The following DYTN variants were observed in gnomAD, a reference collection of about 807,000 sequenced individuals.
DYTN encodes dystrotelin.
In DYTN, 75 loss-of-function variants were observed where a neutral mutation model predicts 69.6. The observed-to-expected ratio is 1.08, with a 90% CI of 0.89 to 1.31. DYTN has a LOEUF of 1.31. Ranked by LOEUF, DYTN falls within the 50% of genes most tolerant of loss-of-function variation. DYTN has a pLI of 0.00. For synonymous variants in DYTN, 252 were observed against 249.1 expected (o/e 1.01, Z -0.11); for missense variants, 726 against 688.4 (o/e 1.05, Z -0.61).
rs1344441142 is a variant in DYTN at position 206,651,999 on chromosome 2, A to G, written c.1634-78T>C. On this transcript the variant is annotated intron_variant, in intron 11 of 11. Coordinates refer to ENST00000452335, the MANE Select transcript of DYTN (RefSeq NM_001093730.1). ...ATGAAGATATTGATAAAGCTCTCAC[A>G]TGGAGAAGAAACAGAATCCATTTTT... 3.0e-6 allele frequency: 4 copies of G among 1,316,020 alleles called. No individual in the cohort carries two copies. In the South Asian group the frequency reaches 4.2e-5, roughly 14 times the overall value. The allele number at this position is 1,316,020 out of a possible 1,614,324, so 81.5% of individuals were successfully genotyped here. A position where few individuals can be genotyped will look rare whatever the true frequency, so the allele number is the denominator to read the frequency against.
Position 206,693,230 on chromosome 2 carries a change from G to T in DYTN, c.925C>A (p.Gln309Lys). 6.2e-7 allele frequency: 1 copy of T among 1,613,514 alleles called. No homozygotes were observed. Residue 309 changes from glutamine to lysine, a missense_variant, in exon 9 of 12, where the codon CAG (glutamine) becomes AAG (lysine). Gln to Lys is a moderately conservative substitution (Grantham distance 53, BLOSUM62 1). Coordinates refer to ENST00000452335, the MANE Select transcript of DYTN (RefSeq NM_001093730.1). Reference protein sequence around the residue: ...RCRKKEAARRQQLLDQVNPKG... With the variant: ...RCRKKEAARRKQLLDQVNPKG... Reference sequence around the variant, plus strand: ...GGATTCACCTGGTCCAGCAGCTGCTGCCTTCTCGCTGCTTCTTTCTTCCTA... The same window carrying T: ...GGATTCACCTGGTCCAGCAGCTGCTTCCTTCTCGCTGCTTCTTTCTTCCTA...
chr2:206,658,981 G>A (rs1574585466), intron 11 of DYTN, among the ~76,000 whole-genome samples: 2 of 116,388 alleles, frequency 1.7e-5, no homozygotes, highest in South Asian at 7.7e-4. Context: ...TAAAACAAGA[G>A]GACTTTTTTT....
intron 9 of DYTN, among the ~76,000 whole-genome samples, chr2:206,680,914 G>A (rs1300846164): frequency 6.6e-6 from 1 of 152,118 alleles, no homozygotes; most frequent in Non-Finnish European, 1.5e-5. Context: ...TTCTAATTAT[G>A]TGAAGAATGT....
At chr2:206,652,285 C>T (rs561981888) in intron 11 of DYTN, among the ~76,000 whole-genome samples, 10 of 152,234 alleles carry the variant, frequency 6.6e-5, no homozygotes, top group East Asian at 3.9e-4. Flanking sequence ...TCAGGTGGGA[C>T]GGAGCCTGAG....
In DYTN at chr2:206,688,041, T is replaced by G. The variant is rs374617673; in HGVS notation, c.980+5134A>C. Among the ~76,000 whole-genome samples the G allele has an allele frequency of 4.6e-5, 7 of 152,204 alleles. No individual in the cohort carries two copies. The East Asian group carries it at 1.2e-3, about 25-fold the overall frequency. ...ATTTAGAAAACCTTGTGATTCTATC[T>G]GGAAATGCATTAAATTTAAATACAG... On this transcript the variant is annotated intron_variant, in intron 9 of 11. Coordinates refer to ENST00000452335, the MANE Select transcript of DYTN (RefSeq NM_001093730.1).
chr2:206,691,859 T>G (rs76625018), intron 9 of DYTN, among the ~76,000 whole-genome samples: 3 of 152,186 alleles, frequency 2.0e-5, no homozygotes, highest in Non-Finnish European at 4.4e-5. Context: ...TGCTGCTGGA[T>G]GTCTGAGAAA....
intron 11 of DYTN, among the ~76,000 whole-genome samples, chr2:206,654,532 G>C (rs980603479): frequency 6.6e-6 from 1 of 151,996 alleles, no homozygotes; most frequent in East Asian, 1.9e-4. Context: ...TATTTTACTG[G>C]TAAGGCTTCT....
chr2:206,690,123 T>C (rs1195173893), intron 9 of DYTN, among the ~76,000 whole-genome samples: 1 of 151,958 alleles, frequency 6.6e-6, no homozygotes, highest in Non-Finnish European at 1.5e-5. Flanking sequence ...AGGAAAGTGG[T>C]TGAATGGTAA....
intron 2 of DYTN, among the ~76,000 whole-genome samples, chr2:206,708,943 G>A (rs1045491593): frequency 2.6e-5 from 4 of 152,266 alleles, no homozygotes; most frequent in East Asian, 1.9e-4. Flanking sequence ...TCAGGCATTC[G>A]TGACTGGGAC....
chr2:206,705,925 T>C, intron 3 of DYTN, 52 bp from the exon 4 acceptor site: 1 of 1,580,556 alleles, frequency 6.3e-7, no homozygotes, highest in Admixed American at 1.8e-5. Context: ...GGGTTACCTT[T>C]GGTGTAATGG....
chr2:206,707,581 G>A (rs1700040271), intron 2 of DYTN, 78 bp from the exon 3 acceptor site: 1 of 1,421,020 alleles, frequency 7.0e-7, no homozygotes, highest in South Asian at 1.3e-5. Context: ...ATGTCATTTG[G>A]TGTTTTATAA....
At chr2:206,665,664 T>G (rs1355731329) in intron 10 of DYTN, among the ~76,000 whole-genome samples, 1 of 152,214 alleles carries the variant, frequency 6.6e-6, no homozygotes, top group Admixed American at 6.5e-5. Flanking sequence ...TTTGTAAATA[T>G]TACAGATCCT....
At chr2:206,665,316 AT>A (rs1465310708) in intron 10 of DYTN, among the ~76,000 whole-genome samples, 32 of 152,050 alleles carry the variant, frequency 2.1e-4, no homozygotes, top group African/African-American at 7.2e-4. Context: ...TGGGTTTATT[AT>A]TTTTATGTTT....
chr2:206,699,097 T>C (rs989411613), intron 7 of DYTN, among the ~76,000 whole-genome samples: 1 of 152,194 alleles, frequency 6.6e-6, no homozygotes, highest in African/African-American at 2.4e-5. Context: ...GTTGTTAGGA[T>C]GATGATGATG....
intron 9 of DYTN, among the ~76,000 whole-genome samples, chr2:206,666,663 G>A (rs1428617241): frequency 6.6e-6 from 1 of 151,964 alleles, no homozygotes; most frequent in African/African-American, 2.4e-5. Context: ...GGTCTGCTTT[G>A]GCTTCTCTTT....
At chr2:206,687,044 A>T (rs1699819390) in intron 9 of DYTN, 1 of 154,850 alleles carries the variant, frequency 6.5e-6, no homozygotes, top group Admixed American at 6.5e-5. Flanking sequence ...AATGTCTGAT[A>T]ATAAGTCTCA....
chr2:206,685,619 C>T (rs1472236573), intron 9 of DYTN, among the ~76,000 whole-genome samples: 9 of 152,096 alleles, frequency 5.9e-5, no homozygotes, highest in Non-Finnish European at 1.5e-5. Context: ...CTGGATAAAA[C>T]AGGTCCCTCA....
chr2:206,653,408 T>C lies in DYTN; in HGVS notation c.1634-1487A>G, dbSNP rs112954435. Among the ~76,000 whole-genome samples the C allele has an allele frequency of 3.3e-3, 500 of 152,304 alleles. 1 individual carries two copies. Among genetic ancestry groups the C allele is most frequent in the Non-Finnish European group, 6.1e-3 (414 of 68,028 alleles). ...TAAATAAATGTAAGGACTGAATTAA[T>C]ATAGCACATAGGCAGAGACCTAATG... On this transcript the variant is annotated intron_variant, in intron 11 of 11. Coordinates refer to ENST00000452335, the MANE Select transcript of DYTN (RefSeq NM_001093730.1).
chr2:206,687,261 G>T, intron 9 of DYTN: 1 of 155,982 alleles, frequency 6.4e-6, no homozygotes. Flanking sequence ...GACACTACTT[G>T]ATGTGGGACT....
Sources: gnomAD v4.1 joint callset for allele counts (sites outside exome capture counted in the v4.1 genomes callset) on GRCh38, gnomAD v4.1.1 for gene constraint, MANE v1.5 for transcripts, NCBI Gene and HGNC (gene_info 2026-07-23, HGNC 2026-07-21) for gene names.